LRP1B: variants seen among roughly 807,000 people sequenced by gnomAD.
LRP1B encodes low-density lipoprotein receptor-related protein 1B.
LRP1B carries 217 observed loss-of-function variants against 556.6 expected under a neutral mutation model. The ratio of observed to expected loss-of-function variants is 0.39; its 90% CI spans 0.35 to 0.44. The LOEUF is 0.44. LRP1B is among the 20% of genes least tolerant of loss of function. LRP1B has a pLI of 1.00. For missense variants in LRP1B, 5,053 were observed against 5,620.8 expected (o/e 0.90, Z 3.23); for synonymous variants, 2,047 against 1,865.8 (o/e 1.10, Z -2.50).
intron 41 of LRP1B, among the ~76,000 whole-genome samples, chr2:140,624,372 C>T (rs572744638): frequency 1.3e-5 from 2 of 152,250 alleles, no homozygotes; most frequent in African/African-American, 4.8e-5. Flanking sequence ...AACTGTAGCA[C>T]CACTCACCAG....
At chr2:141,791,080 A>G (rs1242945322) in intron 2 of LRP1B, among the ~76,000 whole-genome samples, 1 of 151,944 alleles carries the variant, frequency 6.6e-6, no homozygotes, top group African/African-American at 2.4e-5. Flanking sequence ...ATTATTTTTG[A>G]TATTTTTATC....
chr2:140,750,282 T>C (rs1166628276), intron 35 of LRP1B, among the ~76,000 whole-genome samples: 2 of 152,172 alleles, frequency 1.3e-5, no homozygotes, highest in Admixed American at 6.5e-5. Flanking sequence ...ATATTGATTA[T>C]GGTGAATACA....
chr2:141,020,749 A>C (rs1698041864), intron 11 of LRP1B, among the ~76,000 whole-genome samples: 1 of 152,086 alleles, frequency 6.6e-6, no homozygotes, highest in Non-Finnish European at 1.5e-5. Flanking sequence ...TGATAATTCA[A>C]ATGTAATAGA....
intron 2 of LRP1B, among the ~76,000 whole-genome samples, chr2:141,546,013 A>G (rs147808014): frequency 0.011 from 1,652 of 152,268 alleles, 13 homozygotes; most frequent in Middle Eastern, 0.017. Flanking sequence ...TAGCAACAGA[A>G]AATGAATACA....
chr2:141,227,995 C>T (rs113030029), intron 6 of LRP1B, among the ~76,000 whole-genome samples: 2 of 152,170 alleles, frequency 1.3e-5, no homozygotes, highest in East Asian at 3.9e-4. Flanking sequence ...GTCACAATCT[C>T]GGCTCACTGG....
chr2:141,699,574 T>G (rs2105459660), intron 2 of LRP1B, among the ~76,000 whole-genome samples: 1 of 151,758 alleles, frequency 6.6e-6, no homozygotes, highest in East Asian at 1.9e-4. Context: ...TTATTTTTTA[T>G]ATTTAACCTG....
intron 3 of LRP1B, among the ~76,000 whole-genome samples, chr2:141,287,797 T>C (rs1391400724): frequency 6.6e-6 from 1 of 152,198 alleles, no homozygotes; most frequent in African/African-American, 2.4e-5. Flanking sequence ...TGATTGTGAA[T>C]TATGCAACTG....
chr2:140,929,756 T>TCTCA (rs377746437), intron 20 of LRP1B, among the ~76,000 whole-genome samples: 4 of 139,236 alleles, frequency 2.9e-5, no homozygotes, highest in Non-Finnish European at 6.2e-5. Flanking sequence ...TCATATAGAC[T>TCTCA]CACACACACA....
chr2:141,929,583 C>T (rs1050384328), intron 1 of LRP1B, among the ~76,000 whole-genome samples: 15 of 151,848 alleles, frequency 9.9e-5, no homozygotes, highest in Admixed American at 3.3e-4. Flanking sequence ...ATGATTGCTT[C>T]GTTCATCACG....
At chr2:140,238,938 G>A (rs1249267643) in intron 88 of LRP1B, among the ~76,000 whole-genome samples, 3 of 150,780 alleles carry the variant, frequency 2.0e-5, no homozygotes, top group Non-Finnish European at 4.5e-5. Context: ...CATGGCTCTT[G>A]TCTTTCTGTA....
intron 83 of LRP1B, among the ~76,000 whole-genome samples, chr2:140,313,594 C>CG (rs1684397687): frequency 1.3e-5 from 2 of 151,896 alleles, no homozygotes; most frequent in Admixed American, 1.3e-4. Context: ...TTTTCATTAT[C>CG]TCAATGAGAA....
chr2:141,489,728 G>A (rs1374474837), intron 2 of LRP1B, among the ~76,000 whole-genome samples: 1 of 152,000 alleles, frequency 6.6e-6, no homozygotes, highest in Non-Finnish European at 1.5e-5. Context: ...TTATATGTAA[G>A]TGCATTAAAT....
chr2:142,113,825 T>C (rs1707091620), intron 1 of LRP1B, among the ~76,000 whole-genome samples: 1 of 152,120 alleles, frequency 6.6e-6, no homozygotes, highest in Non-Finnish European at 1.5e-5. Flanking sequence ...GAGCCTCTTA[T>C]TGTGCTAACT....
At chr2:140,372,445 A>T (rs2931466) in intron 69 of LRP1B, among the ~76,000 whole-genome samples, 4,664 of 152,178 alleles carry the variant, frequency 0.031, 230 homozygotes, top group African/African-American at 0.11. Context: ...TCTGTAAGAT[A>T]ATGTAATTAA....
intron 7 of LRP1B, among the ~76,000 whole-genome samples, chr2:141,110,638 A>ATT (rs10655870): frequency 0.27 from 40,754 of 149,640 alleles, 5,892 homozygotes; most frequent in East Asian, 0.63. Context: ...TGTAATCATG[A>ATT]TTTTTTTTTT....
At chr2:141,121,137 G>C (rs1701037119) in intron 7 of LRP1B, among the ~76,000 whole-genome samples, 2 of 151,998 alleles carry the variant, frequency 1.3e-5, no homozygotes, top group African/African-American at 4.8e-5. Context: ...GTAAATCTCA[G>C]TTTCCTCATC....
At chr2:140,266,498 T>C (rs1325693044) in intron 86 of LRP1B, among the ~76,000 whole-genome samples, 1 of 152,040 alleles carries the variant, frequency 6.6e-6, no homozygotes, top group Non-Finnish European at 1.5e-5. Context: ...CTAATCCTCT[T>C]TCTATAAACC....
intron 41 of LRP1B, among the ~76,000 whole-genome samples, chr2:140,607,254 C>G (rs1443021334): frequency 1.3e-5 from 2 of 152,026 alleles, no homozygotes; most frequent in African/African-American, 2.4e-5. Flanking sequence ...ATTATGACGA[C>G]TGCAACAGTA....
At chr2:142,111,226 T>C (rs934450395) in intron 1 of LRP1B, among the ~76,000 whole-genome samples, 2 of 152,138 alleles carry the variant, frequency 1.3e-5, no homozygotes, top group Admixed American at 1.3e-4. Flanking sequence ...AAATCTGTTC[T>C]ATACTCACAA....
Sources: gnomAD v4.1 joint callset for allele counts (sites outside exome capture counted in the v4.1 genomes callset) on GRCh38, gnomAD v4.1.1 for gene constraint, MANE v1.5 for transcripts, NCBI Gene and HGNC (gene_info 2026-07-23, HGNC 2026-07-21) for gene names.